UNC79: variants seen among roughly 807,000 people sequenced by gnomAD.
The protein encoded by UNC79 is unc-79 subunit of NALCN channel complex.
A neutral mutation model predicts 283.1 loss-of-function variants in UNC79; 37 were observed. That is an observed-to-expected ratio of 0.13 (90% confidence interval 0.10 to 0.17). UNC79 has a LOEUF of 0.17. Ranked by LOEUF, UNC79 falls within the 10% of genes least tolerant of loss-of-function variation. The probability of loss-of-function intolerance (pLI) is 1.00; values close to 1 mark genes in which losing one functional copy is unlikely to be tolerated. For missense variants in UNC79, 2,272 were observed against 3,211.1 expected (o/e 0.71, Z 7.07); for synonymous variants, 1,107 against 1,200.2 (o/e 0.92, Z 1.61).
chr14:93,465,809 A>G (rs938830728), intron 1 of UNC79, among the ~76,000 whole-genome samples: 10 of 152,188 alleles, frequency 6.6e-5, no homozygotes, highest in Non-Finnish European at 1.0e-4. Context: ...GAAATACTCT[A>G]CAGAAACTTG....
intron 39 of UNC79, among the ~76,000 whole-genome samples, chr14:93,661,179 A>G (rs1227915475): frequency 6.6e-6 from 1 of 152,154 alleles, no homozygotes; most frequent in Non-Finnish European, 1.5e-5. Flanking sequence ...CATGTAAAAT[A>G]TATTTATTGG....
At chr14:93,360,033 G>T (rs546746299) in intron 1 of UNC79, among the ~76,000 whole-genome samples, 1 of 152,124 alleles carries the variant, frequency 6.6e-6, no homozygotes, top group Non-Finnish European at 1.5e-5. Flanking sequence ...GTTAAAGTAG[G>T]GACTTATGGA....
intron 41 of UNC79, among the ~76,000 whole-genome samples, chr14:93,679,996 C>T (rs530716086): frequency 5.1e-4 from 77 of 152,152 alleles, no homozygotes; most frequent in African/African-American, 1.8e-3. Flanking sequence ...AGTTGTGCAT[C>T]TGATGTAAAA....
At chr14:93,675,389 C>T (rs543907259) in intron 41 of UNC79, among the ~76,000 whole-genome samples, 1 of 152,214 alleles carries the variant, frequency 6.6e-6, no homozygotes, top group East Asian at 1.9e-4. Flanking sequence ...GCTGGGGAAA[C>T]AGAAGAATCA....
intron 48 of UNC79, among the ~76,000 whole-genome samples, chr14:93,706,165 T>C (rs2075866325): frequency 6.6e-6 from 1 of 152,188 alleles, no homozygotes; most frequent in African/African-American, 2.4e-5. Flanking sequence ...GAAGAGAAGC[T>C]ATCATCCTAG....
At chr14:93,484,083 A>G (rs903454603) in intron 4 of UNC79, among the ~76,000 whole-genome samples, 1 of 152,188 alleles carries the variant, frequency 6.6e-6, no homozygotes, top group Non-Finnish European at 1.5e-5. Context: ...TTCTAGTTCT[A>G]GATCCTTGAG....
At chr14:93,671,781 C>T (rs1274489628) in intron 40 of UNC79, among the ~76,000 whole-genome samples, 5 of 151,958 alleles carry the variant, frequency 3.3e-5, no homozygotes, top group African/African-American at 1.2e-4. Context: ...TAAAAACAAA[C>T]AAGCAAACAA....
chr14:93,471,578 T>C (rs957156493), intron 2 of UNC79, among the ~76,000 whole-genome samples: 40 of 145,904 alleles, frequency 2.7e-4, no homozygotes, highest in African/African-American at 9.7e-4. Context: ...GGGGAAATAC[T>C]TTTTTTTTTT....
chr14:93,456,494 T>A (rs1003817674), intron 1 of UNC79, among the ~76,000 whole-genome samples: 6 of 152,136 alleles, frequency 3.9e-5, no homozygotes, highest in African/African-American at 1.4e-4. Flanking sequence ...GCCTCTTCTC[T>A]GTGGCTCTAA....
intron 23 of UNC79, among the ~76,000 whole-genome samples, chr14:93,594,623 C>T (rs562886273): frequency 1.3e-5 from 2 of 152,278 alleles, no homozygotes; most frequent in East Asian, 3.9e-4. Context: ...ATACCCTTGC[C>T]ACTGAGGGAT....
At chr14:93,608,505 C>G (rs1346990394) in intron 26 of UNC79, among the ~76,000 whole-genome samples, 1 of 152,198 alleles carries the variant, frequency 6.6e-6, no homozygotes, top group Non-Finnish European at 1.5e-5. Flanking sequence ...ATGAAGTTAG[C>G]CACTGCCCCA....
chr14:93,499,875 G>T (rs1270834707), intron 7 of UNC79, among the ~76,000 whole-genome samples: 1 of 152,086 alleles, frequency 6.6e-6, no homozygotes, highest in Non-Finnish European at 1.5e-5. Context: ...AGAAACGGGT[G>T]AGGCATGAGT....
chr14:93,641,535 C>T (rs2069034658), intron 33 of UNC79, among the ~76,000 whole-genome samples: 1 of 152,032 alleles, frequency 6.6e-6, no homozygotes, highest in African/African-American at 2.4e-5. Flanking sequence ...TGCCTGTAGT[C>T]CCAGCTGCTA....
intron 42 of UNC79, among the ~76,000 whole-genome samples, chr14:93,684,025 T>C (rs910591138): frequency 2.1e-5 from 3 of 145,208 alleles, no homozygotes; most frequent in East Asian, 3.8e-4. Flanking sequence ...ATTTGTTTTT[T>C]TGTTTGTTTG....
intron 19 of UNC79, among the ~76,000 whole-genome samples, chr14:93,581,484 CTTT>C (rs569060513): frequency 5.7e-4 from 57 of 100,646 alleles, no homozygotes; most frequent in African/African-American, 2.3e-3. Flanking sequence ...GTATTTGCAT[CTTT>C]TTTTTTTTTT....
intron 11 of UNC79, among the ~76,000 whole-genome samples, chr14:93,533,088 GT>G (rs1174579753): frequency 1.3e-5 from 2 of 151,682 alleles, no homozygotes; most frequent in Non-Finnish European, 2.9e-5. Context: ...TTTAATAATA[GT>G]TTCTCTAAAC....
intron 10 of UNC79, among the ~76,000 whole-genome samples, chr14:93,530,672 G>A (rs1237872137): frequency 6.6e-6 from 1 of 152,068 alleles, no homozygotes; most frequent in African/African-American, 2.4e-5. Flanking sequence ...CACTTTGGGA[G>A]GCCGAGGTGG....
chr14:93,691,925 G>T, exon 46 of UNC79: 4 of 1,614,164 alleles, frequency 2.5e-6, no homozygotes, highest in Non-Finnish European at 3.4e-6. Flanking sequence ...GCATCCTTCA[G>T]CTAATGGCCC....
chr14:93,417,606 C>G (rs970152843), intron 1 of UNC79, among the ~76,000 whole-genome samples: 2 of 152,218 alleles, frequency 1.3e-5, no homozygotes, highest in Non-Finnish European at 2.9e-5. Flanking sequence ...GGATAATATC[C>G]TGCAGAGTGT....
Sources: gnomAD v4.1 joint callset for allele counts (sites outside exome capture counted in the v4.1 genomes callset) on GRCh38, gnomAD v4.1.1 for gene constraint, MANE v1.5 for transcripts, NCBI Gene and HGNC (gene_info 2026-07-23, HGNC 2026-07-21) for gene names.